Variants in DAD1 observed in about 807,000 individuals in gnomAD.
The protein encoded by DAD1 is dolichyl-diphosphooligosaccharide--protein glycosyltransferase subunit DAD1.
In DAD1, 4 loss-of-function variants were observed where a neutral mutation model predicts 9.0. The observed-to-expected ratio is 0.44, with a 90% confidence interval of 0.22 to 1.01. The LOEUF (loss-of-function observed/expected upper bound fraction) is 1.01, where lower values mean the gene tolerates loss of function less well. Ranked by LOEUF, DAD1 falls within the 50% of genes least tolerant of loss-of-function variation. The pLI, the probability that DAD1 is intolerant of heterozygous loss-of-function variation, is 0.24. For synonymous variants in DAD1, 60 were observed against 62.5 expected (o/e 0.96, Z 0.19); for missense variants, 119 against 137.3 (o/e 0.87, Z 0.67).
At chr14:22,586,868 C>CTT (rs2037156499) in intron 1 of DAD1, among the ~76,000 whole-genome samples, 1 of 152,186 alleles carries the variant, frequency 6.6e-6, no homozygotes, top group Non-Finnish European at 1.5e-5. Context: ...TCATACCCTT[C>CTT]TGTGGCAACT....
chr14:22,580,874 C>T (rs1412257677), intron 1 of DAD1, among the ~76,000 whole-genome samples: 3 of 152,054 alleles, frequency 2.0e-5, no homozygotes, highest in Admixed American at 6.6e-5. Flanking sequence ...GAATTATCAA[C>T]TTTCCAGAGC....
intron 2 of DAD1, among the ~76,000 whole-genome samples, chr14:22,571,190 T>C (rs2037036607): frequency 6.7e-6 from 1 of 150,374 alleles, no homozygotes; most frequent in Non-Finnish European, 1.5e-5. Context: ...GGCAAGTGCC[T>C]GTAGTCCCAG....
At chr14:22,565,620 G>A (rs2139233713) in intron 2 of DAD1, among the ~76,000 whole-genome samples, 1 of 152,262 alleles carries the variant, frequency 6.6e-6, no homozygotes, top group Non-Finnish European at 1.5e-5. Flanking sequence ...TATAACAAAG[G>A]ACCAAAATAT....
At chr14:22,567,263 G>C (rs1185938033) in intron 2 of DAD1, 1 of 152,230 alleles carries the variant, frequency 6.6e-6, no homozygotes, top group Admixed American at 6.5e-5. Flanking sequence ...TTTGGAATCT[G>C]TATTCTTCTC....
At chr14:22,571,093 G>C (rs528414952) in intron 2 of DAD1, among the ~76,000 whole-genome samples, 2 of 151,752 alleles carry the variant, frequency 1.3e-5, no homozygotes, top group African/African-American at 4.8e-5. Context: ...GGAGGCCAAG[G>C]CGAGTGGATC....
chr14:22,588,920 T>G (rs1017961906), intron 1 of DAD1, 27 bp downstream of exon 1: 16 of 1,608,716 alleles, frequency 9.9e-6, no homozygotes, highest in Admixed American at 1.7e-5. Flanking sequence ...AACACATTAT[T>G]ATTATGATCA....
At position 22,571,349 on chromosome 14, in the gene DAD1, A is replaced by G. The variant is rs5742826; in HGVS notation, c.*44+3710T>C. ...AAAAAAGAATTTCACAAAGAAACACAGAAGAACAAACATGGAAAAAACTAA... is the reference window on the plus strand; with the variant it reads ...AAAAAAGAATTTCACAAAGAAACACGGAAGAACAAACATGGAAAAAACTAA... On this transcript the variant is annotated intron_variant, in intron 2 of 2. Transcript: ENST00000250498. 4.7e-3 allele frequency among the ~76,000 whole-genome samples: 716 copies of G among 151,618 alleles called. 2 individuals are homozygous for G. Among genetic ancestry groups the G allele is most frequent in the African/African-American group, 0.016 (680 of 41,252 alleles).
In DAD1 at chr14:22,580,729, A is replaced by C. The variant is rs1340582462; in HGVS notation, c.212-5496T>G. Among the ~76,000 whole-genome samples, 7 of 152,304 alleles carry C rather than the reference A, an allele frequency of 4.6e-5. No individual in the cohort carries two copies. In the East Asian group the frequency reaches 1.3e-3, roughly 29 times the overall value. ...AGGACCTCAGAGGTCATAAACACCA[A>C]CACCCCATTTGATGTATACAATGCC... is the stretch of plus-strand genomic sequence containing the variant. On this transcript the variant is annotated intron_variant, in intron 1 of 2. Transcript: ENST00000250498.
intron 1 of DAD1, among the ~76,000 whole-genome samples, chr14:22,578,675 G>A (rs2037095036): frequency 6.6e-6 from 1 of 152,218 alleles, no homozygotes; most frequent in Non-Finnish European, 1.5e-5. Context: ...CACAGGGAGA[G>A]GATAACTGGG....
chr14:22,585,382 T>C (rs1012408590), intron 1 of DAD1, among the ~76,000 whole-genome samples: 1 of 152,116 alleles, frequency 6.6e-6, no homozygotes, highest in African/African-American at 2.4e-5. Context: ...CAGCTTTCAG[T>C]TGGGCAAAAA....
In DAD1 at chr14:22,589,119, T is replaced by G. The variant is rs1173707798; in HGVS notation, c.39A>C (p.Leu13Phe). Residue 13 changes from leucine (L) to phenylalanine (F), a missense_variant, in exon 1 of 3, where the codon TTA becomes TTC. Transcript: ENST00000250498. ...ASVVSVISRF[L>F]EEYLSSTPQR... is the part of the protein sequence containing the mutation. ...GCGGAGTGGAGCTCAAGTACTCTTCTAAGAACCGCGAAATGACAGACACTA... is the reference window on the plus strand; with the variant it reads ...GCGGAGTGGAGCTCAAGTACTCTTCGAAGAACCGCGAAATGACAGACACTA... 4.3e-6 allele frequency: 7 copies of G among 1,614,182 alleles called. No individual in the cohort carries two copies. Among genetic ancestry groups the G allele is most frequent in the East Asian group, 2.2e-5 (1 of 44,890 alleles).
intron 2 of DAD1, among the ~76,000 whole-genome samples, chr14:22,573,210 G>A (rs2037053260): frequency 6.6e-6 from 1 of 151,378 alleles, no homozygotes; most frequent in Admixed American, 6.6e-5. Flanking sequence ...ATAGGGTCTT[G>A]CTATGTTGCC....
At chr14:22,583,356 G>GA (rs1491122024) in intron 1 of DAD1, among the ~76,000 whole-genome samples, 1 of 150,724 alleles carries the variant, frequency 6.6e-6, no homozygotes, top group Non-Finnish European at 1.5e-5. Flanking sequence ...GAACAAGCAG[G>GA]AGAGTGTTGT....
At chr14:22,566,047 T>G (rs2037000287) in intron 2 of DAD1, among the ~76,000 whole-genome samples, 1 of 152,242 alleles carries the variant, frequency 6.6e-6, no homozygotes, top group South Asian at 2.1e-4. Context: ...GTCAAGTAAG[T>G]AACCTGGAGA....
intron 1 of DAD1, among the ~76,000 whole-genome samples, chr14:22,582,386 T>C (rs994369571): frequency 2.0e-5 from 3 of 146,954 alleles, no homozygotes; most frequent in Non-Finnish European, 4.5e-5. Flanking sequence ...TAGCCGGTCA[T>C]TGTGGCGGGT....
intron 1 of DAD1, among the ~76,000 whole-genome samples, chr14:22,578,281 A>C (rs2037092149): frequency 6.6e-6 from 1 of 150,884 alleles, no homozygotes; most frequent in South Asian, 2.1e-4. Context: ...AAATAAAACA[A>C]GGGCCAGGCA....
chr14:22,585,391 A>T (rs2037145136), intron 1 of DAD1, among the ~76,000 whole-genome samples: 1 of 152,196 alleles, frequency 6.6e-6, no homozygotes, highest in Non-Finnish European at 1.5e-5. Flanking sequence ...GTTGGGCAAA[A>T]AAGGAAACTA....
intron 1 of DAD1, among the ~76,000 whole-genome samples, chr14:22,588,463 A>G (rs1805647658): frequency 6.6e-6 from 1 of 152,252 alleles, no homozygotes; most frequent in African/African-American, 2.4e-5. Flanking sequence ...AAAAAGTAGT[A>G]GCAGCTAAAA....
intron 2 of DAD1, 42 bp from the exon 3 acceptor site, chr14:22,565,179 A>G: frequency 1.4e-6 from 1 of 701,598 alleles, no homozygotes; most frequent in Non-Finnish European, 2.6e-6. Flanking sequence ...TTATGATACT[A>G]GAGACAGGGC....
Sources: allele counts gnomAD v4.1 joint callset (sites outside exome capture counted in the v4.1 genomes callset), GRCh38; gene constraint gnomAD v4.1.1; transcripts MANE v1.5; gene names NCBI Gene and HGNC (gene_info 2026-07-23, HGNC 2026-07-21).